The following CTNNA2 variants were observed in gnomAD, a reference collection of about 807,000 sequenced individuals.
The protein encoded by CTNNA2 is catenin alpha-2.
In CTNNA2, 42 loss-of-function variants were observed where a neutral mutation model predicts 101.0. That is an observed-to-expected ratio of 0.42 (90% confidence interval 0.32 to 0.54). CTNNA2 has a LOEUF of 0.54. Among genes scored for constraint, CTNNA2 ranks in the 20% least tolerant of loss-of-function variants. The probability of loss-of-function intolerance (pLI) is 0.14; values close to 1 mark genes in which losing one functional copy is unlikely to be tolerated. For synonymous variants in CTNNA2, 450 were observed against 456.4 expected (o/e 0.99, Z 0.18); for missense variants, 871 against 1,223.1 (o/e 0.71, Z 4.29).
intron 2 of CTNNA2, among the ~76,000 whole-genome samples, chr2:79,290,491 C>T (rs1675771269): frequency 6.6e-6 from 1 of 152,130 alleles, no homozygotes; most frequent in Non-Finnish European, 1.5e-5. Context: ...CCCAAGACCA[C>T]CCTGGCCCAC....
intron 4 of CTNNA2, among the ~76,000 whole-genome samples, chr2:79,377,586 C>G (rs919925776): frequency 6.6e-6 from 1 of 152,146 alleles, no homozygotes; most frequent in Non-Finnish European, 1.5e-5. Context: ...CAGTATCTCT[C>G]TCCAAAGCAG....
intron 7 of CTNNA2, among the ~76,000 whole-genome samples, chr2:80,176,670 A>C (rs1052680153): frequency 2.6e-5 from 4 of 152,228 alleles, no homozygotes; most frequent in Admixed American, 2.6e-4. Flanking sequence ...ACAGGGCATG[A>C]TAATACTAAG....
intron 11 of CTNNA2, among the ~76,000 whole-genome samples, chr2:80,551,800 C>T (rs962735700): frequency 2.6e-5 from 4 of 152,168 alleles, no homozygotes; most frequent in African/African-American, 9.7e-5. Flanking sequence ...TCTGGGTGTT[C>T]ATTGGAGTAG....
intron 7 of CTNNA2, among the ~76,000 whole-genome samples, chr2:79,916,332 T>C (rs1476809562): frequency 2.0e-5 from 3 of 152,090 alleles, no homozygotes; most frequent in Admixed American, 6.5e-5. Context: ...ATATTCTACA[T>C]TGGTGCCTGT....
intron 1 of CTNNA2, among the ~76,000 whole-genome samples, chr2:79,520,549 G>A (rs970768446): frequency 1.1e-4 from 17 of 152,130 alleles, no homozygotes; most frequent in Admixed American, 5.2e-4. Flanking sequence ...CTCTTCAAAA[G>A]ACAAAAGGTT....
At chr2:80,433,297 C>T (rs1681715640) in intron 9 of CTNNA2, among the ~76,000 whole-genome samples, 1 of 152,040 alleles carries the variant, frequency 6.6e-6, no homozygotes, top group Admixed American at 6.5e-5. Context: ...TAGCCTCATC[C>T]CCGTCTGGGG....
intron 7 of CTNNA2, among the ~76,000 whole-genome samples, chr2:79,953,524 A>G (rs972083521): frequency 1.9e-4 from 29 of 152,152 alleles, no homozygotes; most frequent in African/African-American, 7.0e-4. Context: ...AGGAAGAACC[A>G]CACAGGTAGA....
rs148107144 is a variant in CTNNA2, at chr2:80,587,367, G to A, written c.2008-1937G>A. On this transcript the variant is annotated intron_variant, in intron 14 of 18. Coordinates refer to ENST00000402739, the MANE Select transcript of CTNNA2 (RefSeq NM_001282597.3). ...ATAGCAACTAAGAAATGAGCCAGAGGGGTAGTTGGAAAGGCAAATTAATGG... is the reference window on the plus strand; with the variant it reads ...ATAGCAACTAAGAAATGAGCCAGAGAGGTAGTTGGAAAGGCAAATTAATGG... Among the ~76,000 whole-genome samples, 334 of 152,164 alleles carry A rather than the reference G, an allele frequency of 2.2e-3. 1 individual carries two copies. Among genetic ancestry groups the A allele is most frequent in the Non-Finnish European group, 4.1e-3 (280 of 68,008 alleles).
intron 6 of CTNNA2, among the ~76,000 whole-genome samples, chr2:79,883,844 T>G (rs898168036): frequency 6.6e-6 from 1 of 152,178 alleles, no homozygotes; most frequent in Admixed American, 6.5e-5. Context: ...ATCTCAAAGA[T>G]GTTAAATTAT....
chr2:80,125,518 T>C (rs1486557744), intron 7 of CTNNA2, among the ~76,000 whole-genome samples: 1 of 152,184 alleles, frequency 6.6e-6, no homozygotes, highest in Non-Finnish European at 1.5e-5. Context: ...TTCCATCTCA[T>C]GCAAGGAAGG....
intron 7 of CTNNA2, among the ~76,000 whole-genome samples, chr2:80,187,044 A>G (rs1310057003): frequency 6.6e-6 from 1 of 152,194 alleles, no homozygotes; most frequent in Non-Finnish European, 1.5e-5. Flanking sequence ...TTATTTATTC[A>G]TTGATGACTT....
intron 7 of CTNNA2, among the ~76,000 whole-genome samples, chr2:80,036,283 GGA>G (rs1274275559): frequency 9.2e-5 from 14 of 152,116 alleles, no homozygotes; most frequent in African/African-American, 3.4e-4. Context: ...TCTAGGATTA[GGA>G]GACTGTAAGT....
chr2:79,766,841 C>T (rs1673199027), intron 3 of CTNNA2, among the ~76,000 whole-genome samples: 1 of 151,948 alleles, frequency 6.6e-6, no homozygotes, highest in African/African-American at 2.4e-5. Flanking sequence ...CCGCAACCTC[C>T]ACCTCCTGGG....
chr2:80,167,442 A>G (rs1558868798), intron 7 of CTNNA2, among the ~76,000 whole-genome samples: 1 of 152,198 alleles, frequency 6.6e-6, no homozygotes, highest in Non-Finnish European at 1.5e-5. Context: ...CAATGCAGTA[A>G]TGATATTTAT....
intron 7 of CTNNA2, among the ~76,000 whole-genome samples, chr2:79,917,060 C>CTTAT (rs1188744321): frequency 1.5e-4 from 17 of 112,958 alleles, no homozygotes; most frequent in East Asian, 3.4e-4. Flanking sequence ...AATTCTCAGC[C>CTTAT]TTATTTATTT....
intron 4 of CTNNA2, among the ~76,000 whole-genome samples, chr2:79,436,605 C>T (rs1324139870): frequency 6.6e-6 from 1 of 150,684 alleles, no homozygotes; most frequent in Admixed American, 6.6e-5. Context: ...TTTAAAGAAT[C>T]GGTAACAGCA....
At chr2:80,017,643 C>G (rs1694251359) in intron 7 of CTNNA2, among the ~76,000 whole-genome samples, 1 of 151,598 alleles carries the variant, frequency 6.6e-6, no homozygotes, top group South Asian at 2.1e-4. Context: ...ATAAGTCTTC[C>G]CAGGGTTCTA....
chr2:80,227,854 A>G (rs1223107284), intron 7 of CTNNA2, among the ~76,000 whole-genome samples: 1 of 152,232 alleles, frequency 6.6e-6, no homozygotes, highest in African/African-American at 2.4e-5. Context: ...AAAAACAAAA[A>G]AAAACAACTA....
chr2:79,556,225 T>C (rs916566777), intron 1 of CTNNA2, among the ~76,000 whole-genome samples: 1 of 152,070 alleles, frequency 6.6e-6, no homozygotes, highest in Non-Finnish European at 1.5e-5. Flanking sequence ...TATTCTCTCA[T>C]TCTGTCCTGT....
Sources: allele counts gnomAD v4.1 joint callset (sites outside exome capture counted in the v4.1 genomes callset), GRCh38; gene constraint gnomAD v4.1.1; transcripts MANE v1.5; gene names NCBI Gene and HGNC (gene_info 2026-07-23, HGNC 2026-07-21).